Variants in TPX2 observed in about 807,000 individuals in gnomAD.
TPX2 encodes the protein targeting protein for Xklp2.
A neutral mutation model predicts 93.6 loss-of-function variants in TPX2; 21 were observed. That is an observed-to-expected ratio of 0.22 (90% CI 0.16 to 0.32). The LOEUF (loss-of-function observed/expected upper bound fraction) is 0.32, where lower values mean the gene tolerates loss of function less well. Among genes scored for constraint, TPX2 ranks in the 10% least tolerant of loss-of-function variants. TPX2 has a pLI of 1.00. For missense variants in TPX2, 776 were observed against 871.1 expected (o/e 0.89, Z 1.37); for synonymous variants, 281 against 298.3 (o/e 0.94, Z 0.60).
intron 2 of TPX2, among the ~76,000 whole-genome samples, chr20:31,748,796 G>T (rs897500597): frequency 1.3e-5 from 2 of 152,136 alleles, no homozygotes; most frequent in Non-Finnish European, 2.9e-5. Flanking sequence ...TATTTATAAA[G>T]ACATCTATCT....
intron 15 of TPX2, among the ~76,000 whole-genome samples, chr20:31,796,396 A>T (rs1200808924): frequency 6.6e-6 from 1 of 152,274 alleles, no homozygotes; most frequent in East Asian, 1.9e-4. Flanking sequence ...ACACTTAAAA[A>T]GATTAAAAAT....
In TPX2 at chr20:31,801,159, A is replaced by T. The variant is rs536970509; in HGVS notation, c.*79A>T. On this transcript the variant is annotated 3_prime_UTR_variant, in exon 18 of 18. Transcript: ENST00000300403. ...AAACCTAGGACCGTCTTGCTTTGTC[A>T]TTGGGCATGGAGAGAACCCATTTCT... 7.6e-7 allele frequency: 1 copy of T among 1,321,160 alleles called. No individual in the cohort carries two copies. The highest frequency in any genetic ancestry group is 2.3e-5 in the East Asian group (1 of 43,142). The allele number at this position is 1,321,160 out of a possible 1,614,324, so 81.8% of individuals were successfully genotyped here. A position where few individuals can be genotyped will look rare whatever the true frequency, so the allele number is the denominator to read the frequency against.
Position 31,766,572 on chromosome 20 carries a change from C to T in TPX2, c.246C>T (p.Tyr82=). ...CTTCCGCAGTTGACAACACTTACTA[C>T]AAAGAGGCAGAAAAAGAAAATCTTG... ...TPLKPVDNTY[Y]KEAEKENLVE... Residue 82 remains tyrosine, a synonymous_variant, in exon 5 of 18, where the codon TAC becomes TAT. Coordinates refer to ENST00000300403, the MANE Select transcript of TPX2 (RefSeq NM_012112.5). 6.2e-7 allele frequency: 1 copy of T among 1,609,752 alleles called. No individual in the cohort carries two copies.
intron 8 of TPX2, 143 bp downstream of exon 8, chr20:31,776,131 A>G (rs1203038703): frequency 2.4e-6 from 2 of 849,506 alleles, no homozygotes; most frequent in Non-Finnish European, 2.9e-6. Flanking sequence ...CGGACTGCGG[A>G]CTGCAGTGGC....
At chr20:31,755,160 T>C (rs1265686671) in intron 2 of TPX2, among the ~76,000 whole-genome samples, 2 of 152,108 alleles carry the variant, frequency 1.3e-5, no homozygotes, top group Non-Finnish European at 2.9e-5. Flanking sequence ...ATTTTAGCCA[T>C]GATGGTTTTG....
intron 4 of TPX2, among the ~76,000 whole-genome samples, chr20:31,761,385 A>G (rs138197806): frequency 6.6e-6 from 1 of 152,040 alleles, no homozygotes; most frequent in African/African-American, 2.4e-5. Context: ...TATTTTTAGT[A>G]GAGACAGGGT....
At chr20:31,751,495 C>T (rs189557936) in intron 2 of TPX2, among the ~76,000 whole-genome samples, 67 of 152,176 alleles carry the variant, frequency 4.4e-4, no homozygotes, top group African/African-American at 1.4e-3. Flanking sequence ...CACTAAAAAT[C>T]CTTTGAATAG....
At chr20:31,742,014 A>C (rs1162364539) in intron 1 of TPX2, among the ~76,000 whole-genome samples, 2 of 152,320 alleles carry the variant, frequency 1.3e-5, no homozygotes, top group African/African-American at 4.8e-5. Flanking sequence ...AAAAAAGGAT[A>C]GATAACTGCG....
At chr20:31,759,396 GTTTTTTTTT>G (rs35468756) in intron 3 of TPX2, among the ~76,000 whole-genome samples, 1 of 100,442 alleles carries the variant, frequency 1.0e-5, no homozygotes, top group Admixed American at 1.0e-4. Flanking sequence ...GTTTTCTTTC[GTTTTTTTTT>G]TTTTTTTTTT....
intron 8 of TPX2, among the ~76,000 whole-genome samples, chr20:31,777,187 T>G (rs543643974): frequency 6.6e-6 from 1 of 152,340 alleles, no homozygotes; most frequent in East Asian, 1.9e-4. Flanking sequence ...TCAAAAGTAT[T>G]CCAGTTATTC....
At chr20:31,764,737 GTC>G (rs932043146) in intron 4 of TPX2, among the ~76,000 whole-genome samples, 5 of 152,086 alleles carry the variant, frequency 3.3e-5, no homozygotes, top group Admixed American at 1.3e-4. Flanking sequence ...GTGCGTGTGA[GTC>G]TCTCTGCCCC....
chr20:31,757,440 T>TG lies in TPX2; in HGVS notation c.-34dup. ...CTGCTGAGAAAAGTGGTACAAATAC[T>TG]GGGAAAAACCTGCTCTTCTGCGTTA... On this transcript the variant is annotated 5_prime_UTR_variant, in exon 3 of 18. Coordinates refer to ENST00000300403, the MANE Select transcript of TPX2 (RefSeq NM_012112.5). 6.4e-7 allele frequency: 1 copy of TG among 1,552,910 alleles called. No individual in the cohort carries two copies. The highest frequency in any genetic ancestry group is 8.9e-7 in the Non-Finnish European group (1 of 1,127,364).
chr20:31,751,341 C>G (rs1196897964), intron 2 of TPX2, among the ~76,000 whole-genome samples: 1 of 151,994 alleles, frequency 6.6e-6, no homozygotes, highest in Non-Finnish European at 1.5e-5. Flanking sequence ...GCCTGGGAAG[C>G]CTTCCCAGTG....
chr20:31,759,461 G>A (rs1371979907), intron 3 of TPX2, among the ~76,000 whole-genome samples: 13 of 142,144 alleles, frequency 9.1e-5, no homozygotes, highest in African/African-American at 3.3e-4. Context: ...GTGCAGTGGT[G>A]CGGTCTCAGC....
chr20:31,760,217 T>C (rs771984724), intron 4 of TPX2, 38 bp downstream of exon 4: 3 of 1,610,960 alleles, frequency 1.9e-6, no homozygotes. Context: ...CTTGATAGAA[T>C]GGTGGGACAG....
chr20:31,740,436 AC>A (rs2061747045), intron 1 of TPX2, among the ~76,000 whole-genome samples: 2 of 151,902 alleles, frequency 1.3e-5, no homozygotes, highest in Admixed American at 1.3e-4. Context: ...GTATTACATC[AC>A]CCCCACGTCA....
chr20:31,797,639 A>G, intron 16 of TPX2, 124 bp downstream of exon 16: 1 of 870,488 alleles, frequency 1.1e-6, no homozygotes, highest in Non-Finnish European at 1.7e-6. Flanking sequence ...AGCAGATGGT[A>G]GCTTTTCTTC....
intron 9 of TPX2, 107 bp downstream of exon 9, chr20:31,777,745 C>CT (rs1194322753): frequency 1.7e-6 from 2 of 1,192,096 alleles, no homozygotes; most frequent in East Asian, 5.1e-5. Context: ...GAAAAAAAAC[C>CT]TTGTGTCTAT....
At chr20:31,783,946 G>T (rs763546796) in intron 12 of TPX2, 25 bp downstream of exon 12, 10 of 1,611,524 alleles carry the variant, frequency 6.2e-6, no homozygotes, top group Non-Finnish European at 8.5e-6. Flanking sequence ...ATGTGTGCTG[G>T]CAGAAGTGTA....
Sources: allele counts gnomAD v4.1 joint callset (sites outside exome capture counted in the v4.1 genomes callset), GRCh38; gene constraint gnomAD v4.1.1; transcripts MANE v1.5; gene names NCBI Gene and HGNC (gene_info 2026-07-23, HGNC 2026-07-21).